Variants in AUTS2 observed in about 807,000 individuals in gnomAD.
AUTS2 encodes the protein activator of transcription and developmental regulator AUTS2, also known as autism susceptibility gene 2 protein.
AUTS2 carries 17 observed loss-of-function variants against 112.4 expected under a neutral mutation model. The observed-to-expected ratio is 0.15, with a 90% CI of 0.10 to 0.23. The LOEUF (loss-of-function observed/expected upper bound fraction) is 0.23. Ranked by LOEUF, AUTS2 falls within the 10% of genes least tolerant of loss-of-function variation. AUTS2 has a pLI of 1.00. For synonymous variants in AUTS2, 751 were observed against 702.7 expected, an observed-to-expected ratio of 1.07 and a Z score of -1.09; for missense variants, 1,510 against 1,701.6, an observed-to-expected ratio of 0.89 and a Z score of 1.98.
At chr7:70,583,765 C>A (rs1241445972) in intron 5 of AUTS2, among the ~76,000 whole-genome samples, 1 of 152,186 alleles carries the variant, frequency 6.6e-6, no homozygotes, top group African/African-American at 2.4e-5. Flanking sequence ...GCGAGCCTTT[C>A]TTTGTGGAAG....
At chr7:70,275,252 C>T (rs974243813) in intron 4 of AUTS2, among the ~76,000 whole-genome samples, 3 of 152,058 alleles carry the variant, frequency 2.0e-5, no homozygotes, top group Admixed American at 1.3e-4. Context: ...GTCTGCAATA[C>T]GAATGAATCA....
chr7:70,255,590 A>G (rs890358831), intron 4 of AUTS2, among the ~76,000 whole-genome samples: 2 of 152,230 alleles, frequency 1.3e-5, no homozygotes, highest in South Asian at 4.1e-4. Context: ...ACTTCAGCTT[A>G]TATGGGAAGA....
At chr7:70,462,068 A>G (rs922331313) in intron 5 of AUTS2, among the ~76,000 whole-genome samples, 4 of 152,156 alleles carry the variant, frequency 2.6e-5, no homozygotes, top group African/African-American at 7.2e-5. Context: ...CCTGGCCAAC[A>G]TGGTGAAACC....
intron 4 of AUTS2, among the ~76,000 whole-genome samples, chr7:70,220,430 T>G (rs2129591842): frequency 6.6e-6 from 1 of 152,266 alleles, no homozygotes; most frequent in Non-Finnish European, 1.5e-5. Context: ...CGAGGGATAT[T>G]CAGAGATAGA....
intron 4 of AUTS2, among the ~76,000 whole-genome samples, chr7:70,158,954 G>A (rs750197097): frequency 6.6e-6 from 1 of 152,038 alleles, no homozygotes; most frequent in Non-Finnish European, 1.5e-5. Context: ...TATTAGTGAA[G>A]GCATGTTACA....
intron 4 of AUTS2, among the ~76,000 whole-genome samples, chr7:70,232,066 TC>T (rs1432883526): frequency 1.3e-5 from 2 of 152,162 alleles, no homozygotes; most frequent in African/African-American, 2.4e-5. Flanking sequence ...AGCCACTGCA[TC>T]CAGCCTATAA....
At chr7:70,492,862 C>T (rs955549965) in intron 5 of AUTS2, among the ~76,000 whole-genome samples, 10 of 152,192 alleles carry the variant, frequency 6.6e-5, no homozygotes, top group African/African-American at 1.9e-4. Context: ...GTGCAGCCCC[C>T]TCTGTTGGGT....
chr7:70,590,353 G>A (rs762025802), intron 5 of AUTS2, among the ~76,000 whole-genome samples: 9 of 152,108 alleles, frequency 5.9e-5, no homozygotes, highest in Non-Finnish European at 8.8e-5. Flanking sequence ...GGCTGGTGAC[G>A]GAGTGGGCCT....
chr7:70,734,401 C>G (rs530698113), intron 6 of AUTS2, among the ~76,000 whole-genome samples: 8 of 151,762 alleles, frequency 5.3e-5, no homozygotes, highest in Non-Finnish European at 1.2e-4. Flanking sequence ...GATCGCGCCA[C>G]TGCACTCCAG....
chr7:70,002,299 G>T (rs190260561), intron 2 of AUTS2, among the ~76,000 whole-genome samples: 3 of 152,136 alleles, frequency 2.0e-5, no homozygotes, highest in Admixed American at 6.5e-5. Flanking sequence ...GAAAAATATA[G>T]GCGGGGTGGC....
intron 4 of AUTS2, among the ~76,000 whole-genome samples, chr7:70,387,408 C>T (rs908042986): frequency 5.3e-5 from 8 of 152,144 alleles, no homozygotes; most frequent in Non-Finnish European, 8.8e-5. Flanking sequence ...CCACATTATC[C>T]GGCTACTTTT....
chr7:70,736,970 G>GT (rs1381749836), intron 6 of AUTS2, among the ~76,000 whole-genome samples: 1 of 152,106 alleles, frequency 6.6e-6, no homozygotes, highest in Non-Finnish European at 1.5e-5. Flanking sequence ...TTCCAGCTAG[G>GT]TTAACAACAG....
At chr7:69,606,143 G>A (rs918106030) in intron 1 of AUTS2, among the ~76,000 whole-genome samples, 23 of 152,158 alleles carry the variant, frequency 1.5e-4, no homozygotes, top group Non-Finnish European at 2.9e-5. Flanking sequence ...GTGTTCTGTA[G>A]TTCTCACTGT....
At chr7:70,593,015 CTT>C (rs111474995) in intron 5 of AUTS2, among the ~76,000 whole-genome samples, 2 of 145,528 alleles carry the variant, frequency 1.4e-5, no homozygotes, top group Non-Finnish European at 1.5e-5. Flanking sequence ...ATGCTAGCTA[CTT>C]TTTTTTTTTT....
At position 70,516,652 on chromosome 7, in the gene AUTS2, T is replaced by G. The variant is rs528973493; in HGVS notation, c.690+80871T>G. On this transcript the variant is annotated intron_variant, in intron 5 of 18. Transcript: ENST00000342771. ...GTTATTGTGAGGATTAAATGAGAAA[T>G]TGTATTAGAAACTCCAGGCACATCA... is the stretch of plus-strand genomic sequence containing the variant. Among the ~76,000 whole-genome samples, 6 of 152,292 alleles carry G rather than the reference T, an allele frequency of 3.9e-5. 1 individual carries two copies. Among genetic ancestry groups the G allele is most frequent in the African/African-American group, 1.4e-4 (6 of 41,566 alleles).
intron 5 of AUTS2, among the ~76,000 whole-genome samples, chr7:70,672,494 C>CGT (rs1491551318): frequency 1.3e-5 from 2 of 152,290 alleles, no homozygotes; most frequent in East Asian, 3.9e-4. Context: ...CTGCTAAGCT[C>CGT]ATAAACGTTA....
intron 2 of AUTS2, among the ~76,000 whole-genome samples, chr7:69,990,377 T>G (rs142405983): frequency 6.6e-6 from 1 of 152,312 alleles, no homozygotes; most frequent in African/African-American, 2.4e-5. Context: ...GACTATTTGA[T>G]TGGTTTTAAA....
chr7:69,998,321 A>G (rs1293282347), intron 2 of AUTS2, among the ~76,000 whole-genome samples: 1 of 152,008 alleles, frequency 6.6e-6, no homozygotes, highest in Non-Finnish European at 1.5e-5. Flanking sequence ...AGCTGGGACT[A>G]CAGGCACATG....
At chr7:70,741,167 T>G (rs1199462159) in intron 6 of AUTS2, among the ~76,000 whole-genome samples, 6 of 152,094 alleles carry the variant, frequency 3.9e-5, no homozygotes, top group Non-Finnish European at 5.9e-5. Flanking sequence ...TTGACATTCT[T>G]TTTAAGATAA....
Sources: allele counts gnomAD v4.1 joint callset (sites outside exome capture counted in the v4.1 genomes callset), GRCh38; gene constraint gnomAD v4.1.1; transcripts MANE v1.5; gene names NCBI Gene and HGNC (gene_info 2026-07-23, HGNC 2026-07-21).